Variants in PLA2G4A observed in about 807,000 individuals in gnomAD.
PLA2G4A encodes phospholipase A2 group IVA, also known as cytosolic phospholipase A2.
Under a neutral mutation model 81.9 loss-of-function variants are expected in PLA2G4A, and 40 were observed. The observed-to-expected ratio is 0.49, with a 90% confidence interval of 0.38 to 0.64. PLA2G4A has a LOEUF of 0.64. Ranked by LOEUF, PLA2G4A falls within the 30% of genes least tolerant of loss-of-function variation. The pLI, the probability that PLA2G4A is intolerant of heterozygous loss-of-function variation, is 0.00. For missense variants in PLA2G4A, 715 were observed against 905.1 expected (o/e 0.79, Z 2.69); for synonymous variants, 302 against 296.9 (o/e 1.02, Z -0.18).
chr1:186,967,838 G>A (rs1272915116), intron 15 of PLA2G4A, among the ~76,000 whole-genome samples: 1 of 152,020 alleles, frequency 6.6e-6, no homozygotes, highest in East Asian at 1.9e-4. Context: ...AGGAAATGGA[G>A]AATCAGTGGA....
chr1:186,904,450 T>C (rs1009646356), intron 5 of PLA2G4A, among the ~76,000 whole-genome samples: 2 of 152,238 alleles, frequency 1.3e-5, no homozygotes, highest in Non-Finnish European at 2.9e-5. Context: ...CTGAATGACA[T>C]GTTCTAGGTA....
intron 6 of PLA2G4A, among the ~76,000 whole-genome samples, chr1:186,907,921 T>A (rs1054995088): frequency 1.3e-5 from 2 of 152,234 alleles, no homozygotes; most frequent in Non-Finnish European, 2.9e-5. Flanking sequence ...TTAAAAGTGG[T>A]ATATTTTGGC....
intron 1 of PLA2G4A, among the ~76,000 whole-genome samples, chr1:186,849,039 C>G (rs539104343): frequency 6.6e-6 from 1 of 152,184 alleles, no homozygotes; most frequent in South Asian, 2.1e-4. Flanking sequence ...TGGAATCTCA[C>G]TTGTTCTGCT....
At chr1:186,946,506 T>C (rs1656350920) in intron 10 of PLA2G4A, 131 bp from the exon 11 acceptor site, 1 of 755,022 alleles carries the variant, frequency 1.3e-6, no homozygotes, top group South Asian at 1.5e-5. Flanking sequence ...ATTTGGCTAA[T>C]GTTTTCATTT....
intron 15 of PLA2G4A, among the ~76,000 whole-genome samples, chr1:186,972,023 C>T (rs1446007750): frequency 2.0e-5 from 3 of 151,944 alleles, no homozygotes; most frequent in Non-Finnish European, 4.4e-5. Context: ...TCTAGCACTT[C>T]GTGTAGTTAA....
chr1:186,893,883 C>T (rs1212419895), intron 4 of PLA2G4A, among the ~76,000 whole-genome samples: 1 of 146,180 alleles, frequency 6.8e-6, no homozygotes, highest in Non-Finnish European at 1.5e-5. Context: ...GAGATCCCGC[C>T]ACTGCACTCC....
At chr1:186,914,969 G>C (rs1655088629) in intron 7 of PLA2G4A, among the ~76,000 whole-genome samples, 1 of 152,176 alleles carries the variant, frequency 6.6e-6, no homozygotes, top group African/African-American at 2.4e-5. Context: ...GTGAACTAAA[G>C]TAGCGATGAA....
chr1:186,926,932 C>G (rs1655570917), intron 7 of PLA2G4A, among the ~76,000 whole-genome samples: 1 of 152,166 alleles, frequency 6.6e-6, no homozygotes, highest in South Asian at 2.1e-4. Flanking sequence ...GTTAAATTTA[C>G]CATGGCCTAA....
intron 3 of PLA2G4A, among the ~76,000 whole-genome samples, chr1:186,887,848 G>A (rs546749400): frequency 1.1e-4 from 17 of 152,248 alleles, no homozygotes; most frequent in Admixed American, 3.9e-4. Context: ...TGCCAGTGAT[G>A]GTTATAGATT....
intron 1 of PLA2G4A, among the ~76,000 whole-genome samples, chr1:186,851,731 T>C (rs1052697947): frequency 6.6e-6 from 1 of 152,060 alleles, no homozygotes; most frequent in Non-Finnish European, 1.5e-5. Context: ...AAAATTACTC[T>C]ATTGTAGTTT....
intron 2 of PLA2G4A, among the ~76,000 whole-genome samples, chr1:186,854,654 G>A (rs1038674164): frequency 4.0e-5 from 6 of 151,814 alleles, no homozygotes; most frequent in Non-Finnish European, 8.8e-5. Context: ...AATAAAAAAT[G>A]TTGTTATCAC....
chr1:186,922,333 G>A (rs780355096), intron 7 of PLA2G4A, among the ~76,000 whole-genome samples: 4 of 152,150 alleles, frequency 2.6e-5, no homozygotes, highest in African/African-American at 9.7e-5. Context: ...CCAAAGTGCC[G>A]GTACAGGCAT....
intron 1 of PLA2G4A, among the ~76,000 whole-genome samples, chr1:186,839,270 CT>C (rs1229583098): frequency 1.3e-5 from 2 of 152,204 alleles, no homozygotes; most frequent in Non-Finnish European, 2.9e-5. Context: ...TGGCTGTGCC[CT>C]TCATCTACTT....
intron 2 of PLA2G4A, among the ~76,000 whole-genome samples, chr1:186,857,395 T>C (rs1242297471): frequency 7.8e-6 from 1 of 127,854 alleles, no homozygotes; most frequent in African/African-American, 3.0e-5. Flanking sequence ...TGTAATATAA[T>C]ATATAATATA....
At chr1:186,932,626 G>A (rs961332558) in intron 7 of PLA2G4A, 137 bp from the exon 8 acceptor site, 2 of 870,570 alleles carry the variant, frequency 2.3e-6, no homozygotes, top group South Asian at 1.4e-5. Flanking sequence ...AAAAAATTAG[G>A]CATTACTAAA....
At chr1:186,934,475 G>T (rs60197104) in intron 8 of PLA2G4A, among the ~76,000 whole-genome samples, 2 of 88,690 alleles carry the variant, frequency 2.3e-5, no homozygotes, top group South Asian at 3.7e-4. Context: ...CATACACAGA[G>T]AGAGTAATTA....
Position 186,923,138 on chromosome 1 carries a change from G to C in PLA2G4A, c.559-9625G>C, listed in dbSNP as rs1406595585. Reference sequence around the variant, plus strand: ...GAGGAGTGGTCTCCTCCCTTACTGGGATTACAAGCACAAGCCACCATGCCT... The same window carrying C: ...GAGGAGTGGTCTCCTCCCTTACTGGCATTACAAGCACAAGCCACCATGCCT... On this transcript the variant is annotated intron_variant, in intron 7 of 17. Coordinates refer to ENST00000367466, the MANE Select transcript of PLA2G4A (RefSeq NM_024420.3). Among the ~76,000 whole-genome samples the C allele has an allele frequency of 2.0e-5, 3 of 152,112 alleles. No individual in the cohort carries two copies. The East Asian group carries it at 5.8e-4, about 29-fold the overall frequency.
intron 7 of PLA2G4A, among the ~76,000 whole-genome samples, chr1:186,915,216 A>T (rs1036368301): frequency 1.4e-4 from 22 of 152,090 alleles, no homozygotes; most frequent in African/African-American, 4.3e-4. Context: ...TGTAGACAGC[A>T]ATTAGTAAGG....
intron 8 of PLA2G4A, among the ~76,000 whole-genome samples, chr1:186,937,085 C>T (rs1221514684): frequency 6.6e-6 from 1 of 151,018 alleles, no homozygotes; most frequent in Admixed American, 6.6e-5. Context: ...ACTGCAGGGA[C>T]ACCATGAAAA....
Sources: gnomAD v4.1 joint callset for allele counts (sites outside exome capture counted in the v4.1 genomes callset) on GRCh38, gnomAD v4.1.1 for gene constraint, MANE v1.5 for transcripts, NCBI Gene and HGNC (gene_info 2026-07-23, HGNC 2026-07-21) for gene names.